Variants in HTR1E observed in about 807,000 individuals in gnomAD.
The protein encoded by HTR1E is 5-hydroxytryptamine receptor 1E, also known as 5-HT-1E.
A neutral mutation model predicts 3.4 loss-of-function variants in HTR1E; 3 were observed. The observed-to-expected ratio is 0.89, with a 90% CI of 0.41 to 2.31. HTR1E has a LOEUF of 2.31. Among genes scored for constraint, HTR1E ranks in the 30% most tolerant of loss-of-function variants. The pLI, the probability that HTR1E is intolerant of heterozygous loss-of-function variation, is 0.05. For missense variants in HTR1E, 392 were observed against 467.0 expected (o/e 0.84, Z 1.48); for synonymous variants, 170 against 182.8 (o/e 0.93, Z 0.56).
At chr6:86,978,070 ATCT>A (rs1444181175) in intron 1 of HTR1E, among the ~76,000 whole-genome samples, 1 of 152,194 alleles carries the variant, frequency 6.6e-6, no homozygotes, top group East Asian at 1.9e-4. Context: ...TAATTAGCAG[ATCT>A]TTTTTGCTGA....
chr6:86,964,380 T>C (rs958442732), intron 1 of HTR1E, among the ~76,000 whole-genome samples: 19 of 152,198 alleles, frequency 1.2e-4, no homozygotes, highest in African/African-American at 4.6e-4. Context: ...ATTTAGTAAG[T>C]AATATATATG....
intron 1 of HTR1E, among the ~76,000 whole-genome samples, chr6:87,004,768 A>T (rs1019633789): frequency 2.6e-5 from 4 of 152,128 alleles, no homozygotes; most frequent in African/African-American, 9.7e-5. Flanking sequence ...GAAAGAAAGA[A>T]AGGGCACTCA....
intron 1 of HTR1E, among the ~76,000 whole-genome samples, chr6:86,969,296 T>C (rs1198304297): frequency 6.6e-6 from 1 of 152,084 alleles, no homozygotes; most frequent in Non-Finnish European, 1.5e-5. Flanking sequence ...AAAAATAAGA[T>C]TAAAATGTCA....
intron 1 of HTR1E, chr6:86,971,181 G>T: frequency 2.2e-6 from 1 of 458,110 alleles, no homozygotes. Flanking sequence ...GCCTATTATG[G>T]GAATGAACTA....
rs1320515452 is a variant in HTR1E at position 86,957,132 on chromosome 6, AAACCTACCC to A, written c.-186+19313_-186+19321del. Among the ~76,000 whole-genome samples, 9 of 152,364 alleles carry A rather than the reference AAACCTACCC, an allele frequency of 5.9e-5. No individual in the cohort carries two copies. In the East Asian group the frequency reaches 1.7e-3, roughly 29 times the overall value. ...CCTATGGCACTCAAACAGCTTAGTA[AAACCTACCC>A]AACAAAATTTAAGAAGTCTTGGAAG... is the stretch of plus-strand genomic sequence containing the variant. On this transcript the variant is annotated intron_variant, in intron 1 of 1. Transcript: ENST00000305344.
intron 1 of HTR1E, among the ~76,000 whole-genome samples, chr6:86,963,061 G>A (rs1370796828): frequency 1.3e-5 from 2 of 152,152 alleles, no homozygotes; most frequent in African/African-American, 4.8e-5. Context: ...TATTATAGGA[G>A]ATGACAGCAC....
chr6:87,010,619 C>T (rs1326996223), intron 1 of HTR1E, among the ~76,000 whole-genome samples: 1 of 146,096 alleles, frequency 6.8e-6, no homozygotes, highest in Non-Finnish European at 1.5e-5. Context: ...TCCTCACTTC[C>T]TAGATGGGAT....
At chr6:87,013,436 C>T (rs892795530) in intron 1 of HTR1E, among the ~76,000 whole-genome samples, 1 of 151,938 alleles carries the variant, frequency 6.6e-6, no homozygotes, top group Non-Finnish European at 1.5e-5. Flanking sequence ...GTTACAAATC[C>T]CCAAAAAGGT....
intron 1 of HTR1E, among the ~76,000 whole-genome samples, chr6:86,985,649 G>C (rs1267670771): frequency 6.6e-6 from 1 of 152,172 alleles, no homozygotes; most frequent in Admixed American, 6.5e-5. Context: ...CACTATGGCT[G>C]TGAAAGATAA....
In HTR1E at chr6:87,016,358, CT is replaced by C. The variant is rs754583460; in HGVS notation, c.1025del (p.Leu342ArgfsTer27). ...LGYVNSLINP[L>X]LYTSFNEDFK... ...TTATGTGAATTCTCTGATCAACCCT[CT>C]GCTCTATACGAGTTTTAATGAAGAC... On this transcript the variant is annotated frameshift_variant, in exon 2 of 2. Coordinates refer to ENST00000305344, the MANE Select transcript of HTR1E (RefSeq NM_000865.3). LOFTEE classifies it high-confidence loss of function. The C allele has an allele frequency of 6.2e-7, 1 of 1,614,112 alleles. No homozygotes were observed. Among genetic ancestry groups the C allele is most frequent in the Non-Finnish European group, 8.5e-7 (1 of 1,179,960 alleles).
chr6:86,986,690 G>C (rs1313472744), intron 1 of HTR1E, among the ~76,000 whole-genome samples: 1 of 152,124 alleles, frequency 6.6e-6, no homozygotes, highest in African/African-American at 2.4e-5. Flanking sequence ...ACTTGTAGCA[G>C]TTAAGAAAAA....
intron 1 of HTR1E, 132 bp from the exon 2 acceptor site, chr6:87,015,018 C>T (rs1196896554): frequency 1.7e-5 from 3 of 176,834 alleles, no homozygotes; most frequent in South Asian, 2.0e-4. Flanking sequence ...AACAATGTAA[C>T]GATGAGCTCA....
intron 1 of HTR1E, among the ~76,000 whole-genome samples, chr6:86,946,242 G>T (rs756580744): frequency 6.6e-6 from 1 of 151,782 alleles, no homozygotes; most frequent in Non-Finnish European, 1.5e-5. Context: ...TTCTAATCCT[G>T]CAAACTCCAT....
intron 1 of HTR1E, among the ~76,000 whole-genome samples, chr6:86,988,899 T>A (rs759251678): frequency 3.9e-5 from 6 of 152,134 alleles, no homozygotes; most frequent in Non-Finnish European, 8.8e-5. Context: ...AGTGTGTATG[T>A]TTGATAGAAA....
At chr6:86,992,146 A>G (rs182424379) in intron 1 of HTR1E, among the ~76,000 whole-genome samples, 1 of 152,262 alleles carries the variant, frequency 6.6e-6, no homozygotes, top group African/African-American at 2.4e-5. Flanking sequence ...CTTGCCTTTA[A>G]CACCTTTTTC....
chr6:87,001,366 T>G (rs1472603354), intron 1 of HTR1E, among the ~76,000 whole-genome samples: 1 of 151,648 alleles, frequency 6.6e-6, no homozygotes, highest in East Asian at 1.9e-4. Context: ...AGACATAGAG[T>G]AGGTGAACGG....
chr6:86,972,019 T>C (rs527939880), intron 1 of HTR1E, among the ~76,000 whole-genome samples: 44 of 152,168 alleles, frequency 2.9e-4, no homozygotes, highest in Non-Finnish European at 5.6e-4. Flanking sequence ...CAACTGAATA[T>C]AAGAAAATGT....
chr6:86,973,955 C>T (rs920876973), intron 1 of HTR1E, among the ~76,000 whole-genome samples: 7 of 152,288 alleles, frequency 4.6e-5, no homozygotes, highest in Non-Finnish European at 8.8e-5. Context: ...GTCCACACGG[C>T]CCATGTGTAT....
At chr6:86,941,015 C>T (rs945250557) in intron 1 of HTR1E, among the ~76,000 whole-genome samples, 2 of 152,142 alleles carry the variant, frequency 1.3e-5, no homozygotes, top group South Asian at 2.1e-4. Flanking sequence ...TCACAAGTGA[C>T]GAGGGGACAG....
Sources: gnomAD v4.1 joint callset for allele counts (sites outside exome capture counted in the v4.1 genomes callset) on GRCh38, gnomAD v4.1.1 for gene constraint, MANE v1.5 for transcripts, NCBI Gene and HGNC (gene_info 2026-07-23, HGNC 2026-07-21) for gene names.